The following HNF1B variants were observed in gnomAD, a reference collection of about 807,000 sequenced individuals.
The protein encoded by HNF1B is HNF1 homeobox B, also known as hepatocyte nuclear factor 1-beta.
A neutral mutation model predicts 61.7 loss-of-function variants in HNF1B; 8 were observed. The ratio of observed to expected loss-of-function variants is 0.13; its 90% CI spans 0.08 to 0.23. The LOEUF is 0.23. Among genes scored for constraint, HNF1B ranks in the 10% least tolerant of loss-of-function variants. HNF1B has a pLI of 1.00. For missense variants in HNF1B, 562 were observed against 714.5 expected, an observed-to-expected ratio of 0.79 and a Z score of 2.43; for synonymous variants, 314 against 287.7, an observed-to-expected ratio of 1.09 and a Z score of -0.93.
rs8068474 is a variant in HNF1B, at chr17:37,703,638, C to T, written c.1339+1279G>A. Among the ~76,000 whole-genome samples, 945 of 152,166 alleles carry T rather than the reference C, an allele frequency of 6.2e-3. 8 individuals carry two copies. Among genetic ancestry groups the T allele is most frequent in the African/African-American group, 0.021 (886 of 41,498 alleles). ...TACCATATTCCATATACCAGAGGGC[C>T]CAGTCAAAAGGCAATACATTTAAAA... On this transcript the variant is annotated intron_variant, in intron 6 of 8. Coordinates refer to ENST00000617811, the MANE Select transcript of HNF1B (RefSeq NM_000458.4).
chr17:37,716,602 A>G (rs555647160), intron 4 of HNF1B, among the ~76,000 whole-genome samples: 53 of 152,326 alleles, frequency 3.5e-4, no homozygotes, highest in African/African-American at 1.2e-3. Context: ...GTCAGGTTAT[A>G]TAGACCCTAC....
chr17:37,720,795 G>C, intron 4 of HNF1B: 4 of 985,320 alleles, frequency 4.1e-6, no homozygotes, highest in Non-Finnish European at 4.8e-6. Context: ...TACATACAGA[G>C]CAAGGTGTTC....
chr17:37,720,993 C>T (rs2147506615), intron 4 of HNF1B: 1 of 962,956 alleles, frequency 1.0e-6, no homozygotes. Flanking sequence ...ACTGATGTTA[C>T]ACAAATAGGA....
intron 5 of HNF1B, among the ~76,000 whole-genome samples, chr17:37,709,340 C>T (rs1382105519): frequency 6.6e-6 from 1 of 152,154 alleles, no homozygotes; most frequent in Non-Finnish European, 1.5e-5. Flanking sequence ...ACCTCTGCCT[C>T]CCAGGCTCAA....
chr17:37,707,283 T>G (rs1332662327), intron 5 of HNF1B, among the ~76,000 whole-genome samples: 7 of 151,738 alleles, frequency 4.6e-5, no homozygotes, highest in Admixed American at 3.3e-4. Flanking sequence ...GCCCAGCTAA[T>G]TTTTTTATTT....
At chr17:37,722,260 C>T (rs2033341753) in intron 4 of HNF1B, among the ~76,000 whole-genome samples, 1 of 152,232 alleles carries the variant, frequency 6.6e-6, no homozygotes, top group African/African-American at 2.4e-5. Flanking sequence ...GTTCTCTCAA[C>T]ACCCTGAAGT....
intron 2 of HNF1B, among the ~76,000 whole-genome samples, chr17:37,734,271 C>T (rs768788488): frequency 2.6e-5 from 4 of 152,216 alleles, no homozygotes; most frequent in Non-Finnish European, 5.9e-5. Context: ...CCCACCTCTC[C>T]TCCCTCTTCC....
At chr17:37,708,729 G>A (rs8065904) in intron 5 of HNF1B, among the ~76,000 whole-genome samples, 1 of 152,198 alleles carries the variant, frequency 6.6e-6, no homozygotes, top group African/African-American at 2.4e-5. Context: ...ACATGGAGAA[G>A]AATCTTTCTT....
intron 1 of HNF1B, among the ~76,000 whole-genome samples, chr17:37,741,936 C>G (rs554727293): frequency 1.1e-4 from 16 of 152,342 alleles, no homozygotes; most frequent in South Asian, 6.2e-4. Context: ...ACCTTCACAA[C>G]CCTCTGACCC....
intron 5 of HNF1B, among the ~76,000 whole-genome samples, chr17:37,707,583 T>C (rs530065854): frequency 8.5e-5 from 13 of 152,290 alleles, no homozygotes; most frequent in African/African-American, 2.9e-4. Context: ...ATCTATAAGG[T>C]TGGTATTATT....
intron 8 of HNF1B, among the ~76,000 whole-genome samples, chr17:37,693,813 G>A (rs554214927): frequency 4.5e-4 from 69 of 152,340 alleles, no homozygotes; most frequent in Non-Finnish European, 8.8e-4. Flanking sequence ...ATGGCTCAGC[G>A]CCATCCCCTT....
intron 5 of HNF1B, among the ~76,000 whole-genome samples, chr17:37,708,578 A>G (rs1056471102): frequency 6.6e-6 from 1 of 152,174 alleles, no homozygotes; most frequent in Non-Finnish European, 1.5e-5. Flanking sequence ...TTCCACACTG[A>G]GAAGTCAAGA....
chr17:37,716,607 C>A lies in HNF1B; in HGVS notation c.1046-5944G>T, dbSNP rs185849503. Among the ~76,000 whole-genome samples, 114 of 152,292 alleles carry A rather than the reference C, an allele frequency of 7.5e-4. 1 individual carries two copies. Among genetic ancestry groups the A allele is most frequent in the African/African-American group, 2.6e-3 (110 of 41,560 alleles). On this transcript the variant is annotated intron_variant, in intron 4 of 8. Coordinates refer to ENST00000617811, the MANE Select transcript of HNF1B (RefSeq NM_000458.4). ...GGCTGCATATGTCAGGTTATATAGACCCTACTGCGCCTGTGTGTTCAAAGA... is the reference window on the plus strand; with the variant it reads ...GGCTGCATATGTCAGGTTATATAGAACCTACTGCGCCTGTGTGTTCAAAGA...
At chr17:37,703,529 G>A (rs1019345853) in intron 6 of HNF1B, among the ~76,000 whole-genome samples, 1 of 151,938 alleles carries the variant, frequency 6.6e-6, no homozygotes, top group Non-Finnish European at 1.5e-5. Context: ...TCTTCCCCAC[G>A]GGCCTTTTAA....
intron 7 of HNF1B, among the ~76,000 whole-genome samples, chr17:37,700,112 G>A (rs886756796): frequency 6.6e-6 from 1 of 152,020 alleles, no homozygotes; most frequent in Non-Finnish European, 1.5e-5. Context: ...TACACAGCTG[G>A]TAAGTATCAC....
chr17:37,724,455 G>C (rs2033426715), intron 4 of HNF1B, among the ~76,000 whole-genome samples: 1 of 152,178 alleles, frequency 6.6e-6, no homozygotes, highest in African/African-American at 2.4e-5. Context: ...GGCCACATTT[G>C]AGAACTATTG....
At chr17:37,696,149 T>C (rs2032375908) in intron 8 of HNF1B, among the ~76,000 whole-genome samples, 1 of 152,004 alleles carries the variant, frequency 6.6e-6, no homozygotes, top group Non-Finnish European at 1.5e-5. Flanking sequence ...ATCTGGCTGT[T>C]TAAAAGAGTC....
chr17:37,716,118 C>G (rs1165038815), intron 4 of HNF1B, among the ~76,000 whole-genome samples: 3 of 152,314 alleles, frequency 2.0e-5, no homozygotes, highest in Admixed American at 2.0e-4. Flanking sequence ...CACTGCACTC[C>G]AGCCTGGGTG....
At chr17:37,695,900 G>C (rs577276421) in intron 8 of HNF1B, among the ~76,000 whole-genome samples, 8 of 152,326 alleles carry the variant, frequency 5.3e-5, no homozygotes, top group South Asian at 2.1e-4. Flanking sequence ...TCTGGACTTT[G>C]AGTTAATGCT....
Sources: gnomAD v4.1 joint callset for allele counts (sites outside exome capture counted in the v4.1 genomes callset) on GRCh38, gnomAD v4.1.1 for gene constraint, MANE v1.5 for transcripts, NCBI Gene and HGNC (gene_info 2026-07-23, HGNC 2026-07-21) for gene names.